AGBL4: variants seen among roughly 807,000 people sequenced by gnomAD.
The protein encoded by AGBL4 is AGBL carboxypeptidase 4.
AGBL4 carries 58 observed loss-of-function variants against 66.4 expected under a neutral mutation model. The ratio of observed to expected loss-of-function variants is 0.87; its 90% CI spans 0.71 to 1.09. The LOEUF (loss-of-function observed/expected upper bound fraction) is 1.09. Among genes scored for constraint, AGBL4 ranks in the 50% least tolerant of loss-of-function variants. AGBL4 has a pLI of 0.00. For synonymous variants in AGBL4, 234 were observed against 222.9 expected (o/e 1.05, Z -0.44); for missense variants, 579 against 631.0 (o/e 0.92, Z 0.88).
At chr1:49,459,077 T>C (rs192355697) in intron 3 of AGBL4, among the ~76,000 whole-genome samples, 1 of 151,274 alleles carries the variant, frequency 6.6e-6, no homozygotes, top group African/African-American at 2.4e-5. Context: ...TTCTTGTTAA[T>C]TGCTTCTTTC....
chr1:48,691,649 T>C lies in AGBL4; in HGVS notation c.635-28408A>G, dbSNP rs148479415. Among the ~76,000 whole-genome samples, 4 of 152,282 alleles carry C rather than the reference T, an allele frequency of 2.6e-5. No individual in the cohort carries two copies. The East Asian group carries it at 7.7e-4, about 29-fold the overall frequency. ...ACACAGTTCATTCCAACTGCCATGA[T>C]CATTTGCATAACTCTATGGGGTAAA... On this transcript the variant is annotated intron_variant, in intron 6 of 13. Coordinates refer to ENST00000371839, the MANE Select transcript of AGBL4 (RefSeq NM_032785.4).
intron 1 of AGBL4, among the ~76,000 whole-genome samples, chr1:50,020,582 G>A (rs915142288): frequency 6.6e-6 from 1 of 152,108 alleles, no homozygotes; most frequent in African/African-American, 2.4e-5. Flanking sequence ...TTTTCATCAT[G>A]GCTATGATTT....
At position 49,501,242 on chromosome 1, in the gene AGBL4, G is replaced by A. The variant is rs1462992768; in HGVS notation, c.282+196071C>T. On this transcript the variant is annotated intron_variant, in intron 3 of 13. Coordinates refer to ENST00000371839, the MANE Select transcript of AGBL4 (RefSeq NM_032785.4). ...TTTTGCAGCAGCAAACTCTTTCAAT[G>A]AGTTCTTTCAAATGATCTCTGAATC... Among the ~76,000 whole-genome samples the A allele has an allele frequency of 8.5e-5, 13 of 152,118 alleles. 1 individual carries two copies.
intron 6 of AGBL4, among the ~76,000 whole-genome samples, chr1:48,856,880 T>TCAC (rs1647172318): frequency 6.6e-6 from 1 of 152,196 alleles, no homozygotes; most frequent in Non-Finnish European, 1.5e-5. Context: ...CATTCTAGGC[T>TCAC]TTCTTTATGC....
chr1:48,686,797 A>G (rs1477501864), intron 6 of AGBL4, among the ~76,000 whole-genome samples: 1 of 152,194 alleles, frequency 6.6e-6, no homozygotes, highest in Non-Finnish European at 1.5e-5. Flanking sequence ...GTCCTCATCT[A>G]GCCACACAGT....
intron 11 of AGBL4, among the ~76,000 whole-genome samples, chr1:48,580,961 CTCTTCCTCCACGAAGCCTT>C (rs1225527120): frequency 1.3e-5 from 2 of 152,112 alleles, no homozygotes; most frequent in African/African-American, 2.4e-5. Context: ...GCCCTAGTTT[CTCTTCCTCCACGAAGCCTT>C]TCTTCCGACC....
rs188105827 is a variant in AGBL4 at position 48,929,679 on chromosome 1, C to T, written c.595-62449G>A. ...TTTTGACATCTGATAAGTTGTATAG[C>T]ACTGTTGATTTTGAAAAGTGGCACT... On this transcript the variant is annotated intron_variant, in intron 5 of 13. Coordinates refer to ENST00000371839, the MANE Select transcript of AGBL4 (RefSeq NM_032785.4). 7.2e-5 allele frequency among the ~76,000 whole-genome samples: 11 copies of T among 152,232 alleles called. No homozygotes were observed. In the East Asian group the frequency reaches 2.1e-3, roughly 29 times the overall value.
At chr1:48,954,564 GT>G (rs1173000415) in intron 5 of AGBL4, among the ~76,000 whole-genome samples, 1 of 152,202 alleles carries the variant, frequency 6.6e-6, no homozygotes, top group Non-Finnish European at 1.5e-5. Flanking sequence ...ATGTAGAAAA[GT>G]GCTAAATAAA....
chr1:49,040,821 G>A (rs773213528), intron 5 of AGBL4, among the ~76,000 whole-genome samples: 11 of 151,960 alleles, frequency 7.2e-5, no homozygotes, highest in Non-Finnish European at 1.2e-4. Flanking sequence ...TGATGGAAAT[G>A]TTCTAAAATC....
At chr1:48,577,044 A>C (rs1217799198) in intron 11 of AGBL4, among the ~76,000 whole-genome samples, 2 of 152,204 alleles carry the variant, frequency 1.3e-5, no homozygotes, top group Admixed American at 6.5e-5. Context: ...AGCCCCCCTC[A>C]AATGTTCCAG....
At chr1:49,760,760 T>C (rs563047027) in intron 2 of AGBL4, among the ~76,000 whole-genome samples, 68 of 152,138 alleles carry the variant, frequency 4.5e-4, no homozygotes, top group Non-Finnish European at 7.8e-4. Context: ...AGAAAAGACA[T>C]AGAACCAACC....
chr1:49,854,184 C>A (rs1317513846), intron 1 of AGBL4, among the ~76,000 whole-genome samples: 2 of 28 alleles, frequency 0.071, no homozygotes, highest in Non-Finnish European at 0.11. Context: ...CTGACACTTG[C>A]CCTCATTCAC....
intron 11 of AGBL4, chr1:48,586,799 G>A: frequency 1.7e-6 from 1 of 603,692 alleles, no homozygotes. Context: ...AAGATTTGGA[G>A]CATGGCAATT....
At chr1:49,836,787 T>C (rs973226364) in intron 2 of AGBL4, among the ~76,000 whole-genome samples, 9 of 152,226 alleles carry the variant, frequency 5.9e-5, no homozygotes, top group Admixed American at 4.6e-4. Context: ...TTGTTGATGT[T>C]GATGCTATTC....
At chr1:49,748,503 TA>T (rs1651181767) in intron 2 of AGBL4, among the ~76,000 whole-genome samples, 1 of 152,218 alleles carries the variant, frequency 6.6e-6, no homozygotes, top group Admixed American at 6.5e-5. Context: ...TAGAATGATT[TA>T]TAATACTTTG....
chr1:49,106,294 AC>A (rs1263279318), intron 4 of AGBL4, among the ~76,000 whole-genome samples: 2 of 152,160 alleles, frequency 1.3e-5, no homozygotes, highest in Non-Finnish European at 2.9e-5. Flanking sequence ...TATGCTTGTC[AC>A]TCCAATCATC....
At chr1:49,743,151 C>T (rs1278876413) in intron 2 of AGBL4, among the ~76,000 whole-genome samples, 1 of 152,156 alleles carries the variant, frequency 6.6e-6, no homozygotes, top group Non-Finnish European at 1.5e-5. Flanking sequence ...GCAATCTACT[C>T]ATCTGACAAA....
intron 3 of AGBL4, among the ~76,000 whole-genome samples, chr1:49,286,876 T>C (rs1388782633): frequency 1.3e-5 from 2 of 152,102 alleles, no homozygotes; most frequent in Non-Finnish European, 2.9e-5. Flanking sequence ...AAAATTCATA[T>C]GGAACCAAAA....
At chr1:49,569,729 C>T (rs1644288365) in intron 3 of AGBL4, among the ~76,000 whole-genome samples, 1 of 152,082 alleles carries the variant, frequency 6.6e-6, no homozygotes, top group Non-Finnish European at 1.5e-5. Context: ...TTATCTCCCA[C>T]CACTGCAATA....
Sources: gnomAD v4.1 joint callset for allele counts (sites outside exome capture counted in the v4.1 genomes callset) on GRCh38, gnomAD v4.1.1 for gene constraint, MANE v1.5 for transcripts, NCBI Gene and HGNC (gene_info 2026-07-23, HGNC 2026-07-21) for gene names.